RBFOX1: variants seen among roughly 807,000 people sequenced by gnomAD.
RBFOX1 encodes the protein RNA binding fox-1 homolog 1, also known as RNA binding protein fox-1 homolog 1.
Under a neutral mutation model 57.7 loss-of-function variants are expected in RBFOX1, and 8 were observed. The observed-to-expected ratio is 0.14, with a 90% CI of 0.08 to 0.25. The LOEUF is 0.25. RBFOX1 is among the 10% of genes least tolerant of loss of function. RBFOX1 has a pLI of 1.00. For synonymous variants in RBFOX1, 326 were observed against 222.4 expected, an observed-to-expected ratio of 1.47 and a Z score of -4.15; for missense variants, 611 against 548.5, an observed-to-expected ratio of 1.11 and a Z score of -1.14.
intron 3 of RBFOX1, among the ~76,000 whole-genome samples, chr16:5,727,926 G>T (rs530027599): frequency 6.6e-6 from 1 of 152,154 alleles, no homozygotes; most frequent in African/African-American, 2.4e-5. Context: ...GCCTCAAGTG[G>T]TCCTTCCACC....
At chr16:6,972,220 A>T (rs1384856074) in intron 3 of RBFOX1, among the ~76,000 whole-genome samples, 1 of 151,702 alleles carries the variant, frequency 6.6e-6, no homozygotes, top group Non-Finnish European at 1.5e-5. Flanking sequence ...TAAATCTGAA[A>T]CTCTGTATCT....
In RBFOX1 at chr16:6,180,887, T is replaced by C. The variant is rs552539825; in HGVS notation, c.-126-136108T>C. On this transcript the variant is annotated intron_variant, in intron 1 of 15. Transcript: ENST00000550418. ...GGCCTCTTTTGTTTTTAATCTTCATTTCTGAAAGTTTTTATATTATCTATA... is the reference window on the plus strand; with the variant it reads ...GGCCTCTTTTGTTTTTAATCTTCATCTCTGAAAGTTTTTATATTATCTATA... Among the ~76,000 whole-genome samples the C allele has an allele frequency of 9.2e-5, 14 of 152,150 alleles. No individual in the cohort carries two copies. The East Asian group carries it at 2.7e-3, about 29-fold the overall frequency.
chr16:5,641,934 A>G (rs1596554808), intron 3 of RBFOX1, among the ~76,000 whole-genome samples: 1 of 152,290 alleles, frequency 6.6e-6, no homozygotes, highest in East Asian at 1.9e-4. Flanking sequence ...TGGGGATTTC[A>G]CTAAAATGCA....
At chr16:6,653,247 G>T (rs1409136450) in intron 2 of RBFOX1, among the ~76,000 whole-genome samples, 2 of 151,858 alleles carry the variant, frequency 1.3e-5, no homozygotes, top group Non-Finnish European at 2.9e-5. Context: ...CCTTCTCCTT[G>T]GTTTATTTTT....
intron 2 of RBFOX1, 78 bp downstream of exon 2, chr16:6,317,135 TTCTG>T: frequency 7.3e-7 from 1 of 1,364,036 alleles, no homozygotes; most frequent in Non-Finnish European, 1.0e-6. Context: ...AAAAGCTCTT[TTCTG>T]CAGGTTTGAA....
intron 3 of RBFOX1, among the ~76,000 whole-genome samples, chr16:5,633,077 T>C (rs1184256681): frequency 2.0e-5 from 3 of 151,792 alleles, no homozygotes; most frequent in Admixed American, 6.6e-5. Flanking sequence ...TAGCTGGGAC[T>C]GTAGGCACCA....
At chr16:7,261,759 C>T (rs2094927949) in intron 4 of RBFOX1, among the ~76,000 whole-genome samples, 1 of 152,168 alleles carries the variant, frequency 6.6e-6, no homozygotes, top group Non-Finnish European at 1.5e-5. Flanking sequence ...GTGAGGACAA[C>T]AAAGTGAGAT....
At chr16:6,876,804 T>G (rs2061934341) in intron 3 of RBFOX1, among the ~76,000 whole-genome samples, 2 of 152,174 alleles carry the variant, frequency 1.3e-5, no homozygotes. Flanking sequence ...AATAACTGTA[T>G]CTGCTAAAAC....
At chr16:6,692,144 T>G (rs2060292036) in intron 3 of RBFOX1, among the ~76,000 whole-genome samples, 1 of 152,222 alleles carries the variant, frequency 6.6e-6, no homozygotes, top group Admixed American at 6.5e-5. Flanking sequence ...AGTGGTAACA[T>G]ATTCTCCTAT....
intron 3 of RBFOX1, among the ~76,000 whole-genome samples, chr16:6,999,930 G>C (rs1229382920): frequency 3.3e-5 from 5 of 151,912 alleles, no homozygotes; most frequent in Non-Finnish European, 7.4e-5. Context: ...AAGTTAACCA[G>C]GTGTGGTGGC....
At chr16:5,460,956 C>G (rs1421095444) in intron 1 of RBFOX1, among the ~76,000 whole-genome samples, 5 of 152,078 alleles carry the variant, frequency 3.3e-5, no homozygotes, top group Non-Finnish European at 5.9e-5. Context: ...GGGATGTGCT[C>G]AGATGTCAAG....
intron 4 of RBFOX1, among the ~76,000 whole-genome samples, chr16:5,959,687 G>T (rs2059711732): frequency 6.6e-6 from 1 of 152,208 alleles, no homozygotes; most frequent in African/African-American, 2.4e-5. Flanking sequence ...GAAAGATGCT[G>T]TGCAGATCCT....
intron 4 of RBFOX1, among the ~76,000 whole-genome samples, chr16:7,486,862 C>T (rs2065536081): frequency 6.6e-6 from 1 of 152,296 alleles, no homozygotes; most frequent in East Asian, 1.9e-4. Context: ...CTCCTTGCCA[C>T]TCTGCAGTTA....
intron 4 of RBFOX1, among the ~76,000 whole-genome samples, chr16:7,153,393 C>T (rs1167687378): frequency 6.6e-6 from 1 of 152,052 alleles, no homozygotes; most frequent in Non-Finnish European, 1.5e-5. Context: ...TCCTGTCCCA[C>T]CTTCCAGGAA....
intron 1 of RBFOX1, among the ~76,000 whole-genome samples, chr16:5,464,583 G>A (rs2068895244): frequency 1.3e-5 from 2 of 152,018 alleles, no homozygotes; most frequent in Non-Finnish European, 2.9e-5. Flanking sequence ...GCTTTATGTG[G>A]ATTTTTTTGC....
chr16:5,595,956 T>C (rs1009408531), intron 2 of RBFOX1, among the ~76,000 whole-genome samples: 2 of 152,138 alleles, frequency 1.3e-5, no homozygotes, highest in African/African-American at 2.4e-5. Flanking sequence ...GAAGAGCAGA[T>C]TGAGTTGGTA....
intron 4 of RBFOX1, among the ~76,000 whole-genome samples, chr16:7,189,943 A>G (rs567151785): frequency 4.6e-5 from 7 of 152,322 alleles, no homozygotes; most frequent in East Asian, 1.9e-4. Context: ...TGGGCAAGAC[A>G]TCAATTAGTG....
chr16:7,521,895 C>A (rs2077582620), intron 5 of RBFOX1, among the ~76,000 whole-genome samples: 1 of 152,176 alleles, frequency 6.6e-6, no homozygotes, highest in Non-Finnish European at 1.5e-5. Context: ...GGGAAACCAT[C>A]CTGAGTTGGC....
intron 3 of RBFOX1, among the ~76,000 whole-genome samples, chr16:5,814,654 C>T (rs908589065): frequency 3.3e-5 from 5 of 152,316 alleles, no homozygotes; most frequent in African/African-American, 7.2e-5. Flanking sequence ...CCTGGCCGGG[C>T]GCGGTGGCTC....
Sources: allele counts gnomAD v4.1 joint callset (sites outside exome capture counted in the v4.1 genomes callset), GRCh38; gene constraint gnomAD v4.1.1; transcripts MANE v1.5; gene names NCBI Gene and HGNC (gene_info 2026-07-23, HGNC 2026-07-21).